DVL2: variants seen among roughly 807,000 people sequenced by gnomAD.
The protein encoded by DVL2 is dishevelled segment polarity protein 2.
Under a neutral mutation model 69.8 loss-of-function variants are expected in DVL2, and 38 were observed. The ratio of observed to expected loss-of-function variants is 0.54; its 90% CI spans 0.42 to 0.71. The LOEUF is 0.71. Ranked by LOEUF, DVL2 falls within the 30% of genes least tolerant of loss-of-function variation. The pLI is 0.00. For missense variants in DVL2, 931 were observed against 1,008.1 expected (o/e 0.92, Z 1.04); for synonymous variants, 428 against 392.4 (o/e 1.09, Z -1.07).
rs1245801292 is a variant in DVL2 at position 7,229,654 on chromosome 17, G to T, written c.681C>A (p.Ser227Arg). The change falls in exon 6 of 15, where the codon AGC (serine) becomes AGA (arginine). Residue 227 changes from serine (S) to arginine (R), a missense_variant. By Grantham distance (110) the Ser-to-Arg change is moderately radical. Transcript: ENST00000005340. The surrounding 1 kb of genome is among the most constrained non-coding windows in gnomAD (Gnocchi z 4.4). ...MSRFSSSTEQ[S>R]SASRLLKRHR... ...GGCGCTTAAGGAGGCGGGAGGCACT[G>T]CTCTGCTCCGTGGAGCTGCTGAACC... The T allele has an allele frequency of 6.4e-7, 1 of 1,555,090 alleles. No individual in the cohort carries two copies. The highest frequency in any genetic ancestry group is 8.7e-7 in the Non-Finnish European group (1 of 1,150,306).
rs1479289607 is a variant in DVL2, at chr17:7,234,441, G to A, written c.-179C>T. 2.3e-5 allele frequency: 17 copies of A among 730,330 alleles called. No individual in the cohort carries two copies. In the Admixed American group the frequency reaches 4.7e-4, roughly 20 times the overall value. 45.2% of individuals were successfully genotyped at this position (730,330 alleles called of 1,614,324 possible). A position where few individuals can be genotyped will look rare whatever the true frequency, so the allele number is the denominator to read the frequency against. ...GGTGGCGGCGGGGGGCGGGCCGCGG[G>A]GTGCGACTCAAAGCCCCGGTCTCAG... On this transcript the variant is annotated 5_prime_UTR_variant, in exon 1 of 15. Coordinates refer to ENST00000005340, the MANE Select transcript of DVL2 (RefSeq NM_004422.3).
chr17:7,234,388 C>T lies in DVL2; in HGVS notation c.-126G>A. On this transcript the variant is annotated 5_prime_UTR_variant, in exon 1 of 15. Transcript: ENST00000005340. The stretch of plus-strand genomic sequence containing the variant: ...GGACTGACCCAGTACGGGAGAGAAG[C>T]AAAGGGGAAAAAGCACGGATCTGCG... The T allele has an allele frequency of 5.3e-6, 6 of 1,125,760 alleles. No homozygotes were observed. The highest frequency in any genetic ancestry group is 7.5e-6 in the Non-Finnish European group (6 of 802,370). 69.7% of individuals were successfully genotyped at this position (1,125,760 alleles called of 1,614,324 possible).
chr17:7,233,331 G>GC (rs1289961040), intron 1 of DVL2, among the ~76,000 whole-genome samples: 1 of 152,012 alleles, frequency 6.6e-6, no homozygotes, highest in African/African-American at 2.4e-5. Flanking sequence ...GCTAGCACAG[G>GC]CCCCAACAGC....
chr17:7,232,861 G>T (rs938507658), intron 1 of DVL2, among the ~76,000 whole-genome samples: 2 of 151,876 alleles, frequency 1.3e-5, no homozygotes, highest in African/African-American at 4.8e-5. Context: ...AGGCTGAGGC[G>T]GGCGAATCAC....
chr17:7,229,984 G>C lies in DVL2; in HGVS notation c.521-41C>G, dbSNP rs760950986. On this transcript the variant is annotated intron_variant, in intron 4 of 14. Transcript: ENST00000005340. This position sits in a 1 kb window ranked among gnomAD's most constrained non-coding sequence, Gnocchi z 4.4. ...AAGCTCAAGAACCAAGCTTCCCCCTGCTCACCCCACCAAGGCTGGGGTCTG... is the reference window on the plus strand; with the variant it reads ...AAGCTCAAGAACCAAGCTTCCCCCTCCTCACCCCACCAAGGCTGGGGTCTG... The C allele has an allele frequency of 1.8e-5, 29 of 1,609,468 alleles. No homozygotes were observed. The highest frequency in any genetic ancestry group is 1.7e-4 in the Admixed American group (10 of 59,924).
intron 2 of DVL2, 145 bp from the exon 3 acceptor site, chr17:7,230,575 G>C: frequency 7.4e-7 from 1 of 1,343,130 alleles, no homozygotes; most frequent in Non-Finnish European, 1.0e-6. Context: ...AGAAGGAGAA[G>C]GCTGAGGGCC....
intron 9 of DVL2, 159 bp from the exon 10 acceptor site, chr17:7,228,203 G>A: frequency 3.4e-6 from 2 of 589,542 alleles, no homozygotes; most frequent in Admixed American, 3.2e-5. Context: ...ACCACAATGT[G>A]GATGACTCAT....
In DVL2 at chr17:7,229,478, T is replaced by C. The variant is rs1210551524; in HGVS notation, c.748-31A>G. The C allele has an allele frequency of 1.9e-6, 3 of 1,613,900 alleles. No homozygotes were observed. The highest frequency in any genetic ancestry group is 2.2e-5 in the South Asian group (2 of 91,082). On this transcript the variant is annotated intron_variant, in intron 6 of 14. Coordinates refer to ENST00000005340, the MANE Select transcript of DVL2 (RefSeq NM_004422.3). This position sits in a 1 kb window ranked among gnomAD's most constrained non-coding sequence, Gnocchi z 4.4. ...GTGGGAAAAGGAGCCAGAGTGCCCT[T>C]CAATAACCCAGGGTCAACCCTGGGG...
In DVL2 at chr17:7,229,292, G is replaced by C. The variant is rs1016684434; in HGVS notation, c.818-18C>G. Reference sequence around the variant, plus strand: ...GTACTTCTCTGTGGAGAGAGGCCATGTGAAAAGAGGAGCCCCTGCCACAGG... The same window carrying C: ...GTACTTCTCTGTGGAGAGAGGCCATCTGAAAAGAGGAGCCCCTGCCACAGG... On this transcript the variant is annotated intron_variant, in intron 7 of 14. Transcript: ENST00000005340. This position sits in a 1 kb window ranked among gnomAD's most constrained non-coding sequence, Gnocchi z 4.4. 3.1e-6 allele frequency: 5 copies of C among 1,613,334 alleles called. No homozygotes were observed. The highest frequency in any genetic ancestry group is 1.7e-5 in the Admixed American group (1 of 59,908).
chr17:7,228,023 G>C lies in DVL2; in HGVS notation c.1056C>G (p.Ala352=), dbSNP rs1053193592. 2.6e-6 allele frequency: 4 copies of C among 1,552,636 alleles called. No individual in the cohort carries two copies. Among genetic ancestry groups the C allele is most frequent in the Non-Finnish European group, 3.5e-6 (4 of 1,151,088 alleles). The change falls in exon 10 of 15, where the codon GCC becomes GCG. Residue 352 remains alanine, a synonymous_variant. Coordinates refer to ENST00000005340, the MANE Select transcript of DVL2 (RefSeq NM_004422.3). The part of the protein sequence containing the change: ...HKPGPIVLTV[A]KCWDPSPQAY... Reference sequence around the variant, plus strand: ...CCTGAGGAGAGGGATCCCAGCACTTGGCCACAGTCAGCACAATGGGGCTAT... The same window carrying C: ...CCTGAGGAGAGGGATCCCAGCACTTCGCCACAGTCAGCACAATGGGGCTAT...
In DVL2 at chr17:7,229,619, C is replaced by T. The variant is rs770368957; in HGVS notation, c.716G>A (p.Arg239Gln). 3.2e-6 allele frequency: 5 copies of T among 1,553,516 alleles called. No individual in the cohort carries two copies. The highest frequency in any genetic ancestry group is 2.2e-5 in the East Asian group (1 of 44,476). The part of the protein sequence containing the change: ...ASRLLKRHRR[R>Q]RKQRPPRLER... ...CAGGCGGGGTGGCCTCTGCTTCCTT[C>T]GCCGCCGGTGGCGCTTAAGGAGGCG... Residue 239 changes from arginine (R) to glutamine (Q), a missense_variant, in exon 6 of 15, where the codon CGA (arginine) becomes CAA (glutamine). Coordinates refer to ENST00000005340, the MANE Select transcript of DVL2 (RefSeq NM_004422.3). The surrounding 1 kb of genome is among the most constrained non-coding windows in gnomAD (Gnocchi z 4.4).
intron 14 of DVL2, 24 bp from the exon 15 acceptor site, chr17:7,226,337 C>A: frequency 6.5e-7 from 1 of 1,545,666 alleles, no homozygotes; most frequent in Non-Finnish European, 8.7e-7. Context: ...GGAGGGGCAA[C>A]TGAGTCCTCA....
Position 7,225,695 on chromosome 17 carries a change from G to T in DVL2, c.*170C>A. 1 of 638,776 alleles carries T rather than the reference G, an allele frequency of 1.6e-6. No individual in the cohort carries two copies. The highest frequency in any genetic ancestry group is 2.8e-6 in the Non-Finnish European group (1 of 362,958). 39.6% of individuals were successfully genotyped at this position (638,776 alleles called of 1,614,324 possible). ...AATCAAAGGTCCCTTGTCTACCCCT[G>T]AGGGAAGGGGGAGGAACCAGGCACT... On this transcript the variant is annotated 3_prime_UTR_variant, in exon 15 of 15. Transcript: ENST00000005340.
Position 7,226,728 on chromosome 17 carries a change from T to C in DVL2, c.1544-89A>G, listed in dbSNP as rs1285605905. 2.9e-6 allele frequency: 3 copies of C among 1,050,804 alleles called. No individual in the cohort carries two copies. In the African/African-American group the frequency reaches 4.8e-5, roughly 17 times the overall value. The allele number at this position is 1,050,804 out of a possible 1,614,324, so 65.1% of individuals were successfully genotyped here. ...AATGGAGAGGAACTGGGAACAGTTC[T>C]CCCAGACCCACCCACGATGGGGCTC... is the stretch of plus-strand genomic sequence containing the variant. On this transcript the variant is annotated intron_variant, in intron 13 of 14. Transcript: ENST00000005340.
rs565161291 is a variant in DVL2, at chr17:7,226,525, T to A, written c.1658A>T (p.Tyr553Phe). 32 of 1,607,332 alleles carry A rather than the reference T, an allele frequency of 2.0e-5. No individual in the cohort carries two copies. The Admixed American group carries it at 2.5e-4, about 13-fold the overall frequency. Residue 553 changes from tyrosine (Y) to phenylalanine (F), a missense_variant, in exon 14 of 15, where the codon TAC becomes TTC. Tyr to Phe is a conservative substitution (Grantham distance 22, BLOSUM62 3). This residue lies in a region of DVL2 where 314 missense variants were observed against 313.7 expected (regional missense o/e 1.00). Transcript: ENST00000005340. ...GTAGGGGTGTGGGGCAGGGTATTGG[T>A]AGGAGAAAGTGGGCAGCAGGGGCCA... ...TPWPLLPTFS[Y>F]QYPAPHPYSP...
At chr17:7,228,167 G>T in intron 9 of DVL2, 123 bp from the exon 10 acceptor site, 1 of 772,102 alleles carries the variant, frequency 1.3e-6, no homozygotes, top group Non-Finnish European at 2.1e-6. Flanking sequence ...ATCGCGGCTG[G>T]GCTAGAGAAG....
At position 7,226,325 on chromosome 17, in the gene DVL2, G is replaced by A. The variant is rs747210791; in HGVS notation, c.1763-12C>T. 69 of 1,551,160 alleles carry A rather than the reference G, an allele frequency of 4.4e-5. No homozygotes were observed. The highest frequency in any genetic ancestry group is 5.8e-5 in the Non-Finnish European group (67 of 1,152,954). ...ACTGCTCCGGCTGCCTGTGGAGGGA[G>A]GGGAGGGGCAACTGAGTCCTCACCC... On this transcript the variant is annotated splice_polypyrimidine_tract_variant and intron_variant, in intron 14 of 14. Coordinates refer to ENST00000005340, the MANE Select transcript of DVL2 (RefSeq NM_004422.3).
rs2071603451 is a variant in DVL2, at chr17:7,234,432, G to A, written c.-170C>T. On this transcript the variant is annotated 5_prime_UTR_variant, in exon 1 of 15. Coordinates refer to ENST00000005340, the MANE Select transcript of DVL2 (RefSeq NM_004422.3). ...ATCTGCGAGGGTGGCGGCGGGGGGC[G>A]GGCCGCGGGGTGCGACTCAAAGCCC... 1.2e-5 allele frequency: 9 copies of A among 776,182 alleles called. No individual in the cohort carries two copies. Among genetic ancestry groups the A allele is most frequent in the Non-Finnish European group, 1.3e-5 (7 of 518,860 alleles). The allele number at this position is 776,182 out of a possible 1,614,324, so 48.1% of individuals were successfully genotyped here.
intron 13 of DVL2, 98 bp downstream of exon 13, chr17:7,226,992 G>C: frequency 8.0e-7 from 1 of 1,243,582 alleles, no homozygotes; most frequent in East Asian, 2.3e-5. Context: ...GACCATCCAT[G>C]GTGGCCCTGG....
Sources: gnomAD v4.1 joint callset for allele counts (sites outside exome capture counted in the v4.1 genomes callset) on GRCh38, gnomAD v4.1.1 for gene constraint, gnomAD v4.1.1 regional missense constraint, Gnocchi (gnomAD v3.1) non-coding constraint, MANE v1.5 for transcripts, NCBI Gene and HGNC (gene_info 2026-07-23, HGNC 2026-07-21) for gene names.